CACNA2D3: variants seen among roughly 807,000 people sequenced by gnomAD.
CACNA2D3 encodes the protein voltage-dependent calcium channel subunit alpha-2/delta-3.
Under a neutral mutation model 160.6 loss-of-function variants are expected in CACNA2D3, and 60 were observed. The observed-to-expected ratio is 0.37, with a 90% confidence interval of 0.30 to 0.46. The LOEUF is 0.46. Ranked by LOEUF, CACNA2D3 falls within the 20% of genes least tolerant of loss-of-function variation. The probability of loss-of-function intolerance (pLI) is 1.00; values close to 1 mark genes in which losing one functional copy is unlikely to be tolerated. For synonymous variants in CACNA2D3, 558 were observed against 492.9 expected, an observed-to-expected ratio of 1.13 and a Z score of -1.75; for missense variants, 1,205 against 1,365.0, an observed-to-expected ratio of 0.88 and a Z score of 1.85.
intron 3 of CACNA2D3, among the ~76,000 whole-genome samples, chr3:54,371,955 T>C (rs1297212037): frequency 2.0e-5 from 3 of 152,270 alleles, no homozygotes; most frequent in Non-Finnish European, 4.4e-5. Context: ...TATAGAAATG[T>C]TAATATTTGA....
intron 16 of CACNA2D3, among the ~76,000 whole-genome samples, chr3:54,841,960 T>C (rs888245511): frequency 3.9e-5 from 6 of 152,198 alleles, no homozygotes; most frequent in Middle Eastern, 3.2e-3. Flanking sequence ...TGTTCTCCAT[T>C]ACTCCATGGC....
At chr3:54,252,131 C>T (rs1343958858) in intron 2 of CACNA2D3, among the ~76,000 whole-genome samples, 1 of 104,290 alleles carries the variant, frequency 9.6e-6, no homozygotes, top group Admixed American at 1.1e-4. Context: ...TACTCTCCGT[C>T]TCTCCCATTC....
chr3:54,917,572 C>T (rs974302665), intron 27 of CACNA2D3, among the ~76,000 whole-genome samples: 3 of 152,214 alleles, frequency 2.0e-5, no homozygotes, highest in Non-Finnish European at 4.4e-5. Context: ...ACTCTATGCA[C>T]TCTGTGCGCT....
chr3:54,739,261 C>G (rs938710899), intron 11 of CACNA2D3, among the ~76,000 whole-genome samples: 1 of 151,524 alleles, frequency 6.6e-6, no homozygotes. Context: ...CTCTACTAAA[C>G]ATACAAAAAT....
At chr3:54,307,317 A>G (rs1181539753) in intron 2 of CACNA2D3, among the ~76,000 whole-genome samples, 1 of 152,166 alleles carries the variant, frequency 6.6e-6, no homozygotes, top group Non-Finnish European at 1.5e-5. Context: ...GCTCTGATGT[A>G]TAAGAATACC....
At chr3:54,350,966 C>CGGTTTTTTTTTTTTTTT (rs1559457706) in intron 3 of CACNA2D3, among the ~76,000 whole-genome samples, 1 of 63,298 alleles carries the variant, frequency 1.6e-5, no homozygotes, top group Non-Finnish European at 3.6e-5. Context: ...GATCTTGAGT[C>CGGTTTTTTTTTTTTTTT]TGTTTTTTTT....
intron 4 of CACNA2D3, among the ~76,000 whole-genome samples, chr3:54,498,947 T>C (rs1024643453): frequency 6.6e-6 from 1 of 152,106 alleles, no homozygotes; most frequent in Admixed American, 6.6e-5. Context: ...ATATCATACA[T>C]TGATTTCTAA....
intron 5 of CACNA2D3, among the ~76,000 whole-genome samples, chr3:54,540,767 C>A (rs966437754): frequency 6.6e-6 from 1 of 152,078 alleles, no homozygotes; most frequent in South Asian, 2.1e-4. Flanking sequence ...TTAATTACCA[C>A]CCAAAGACCC....
At chr3:54,888,093 C>T (rs1699968311) in intron 24 of CACNA2D3, 41 bp downstream of exon 24, 3 of 1,370,014 alleles carry the variant, frequency 2.2e-6, no homozygotes, top group Non-Finnish European at 3.1e-6. Flanking sequence ...GCCATTTCCT[C>T]ACCAACACTC....
chr3:54,270,695 G>C (rs921948732), intron 2 of CACNA2D3, among the ~76,000 whole-genome samples: 2 of 152,206 alleles, frequency 1.3e-5, no homozygotes, highest in African/African-American at 2.4e-5. Flanking sequence ...TTATCTGGAG[G>C]CTCTGGGAAG....
At chr3:54,783,683 T>A (rs545163167) in intron 13 of CACNA2D3, among the ~76,000 whole-genome samples, 1 of 152,284 alleles carries the variant, frequency 6.6e-6, no homozygotes, top group South Asian at 2.1e-4. Context: ...TCCTGAATTA[T>A]GTTTCCCATA....
chr3:54,297,711 CCA>C (rs1703373170), intron 2 of CACNA2D3, among the ~76,000 whole-genome samples: 1 of 121,294 alleles, frequency 8.2e-6, no homozygotes. Context: ...CTCCCCGCCA[CCA>C]AAAAAAAAAA....
chr3:54,699,419 A>G (rs1018541306), intron 11 of CACNA2D3, among the ~76,000 whole-genome samples: 7 of 152,064 alleles, frequency 4.6e-5, no homozygotes, highest in Admixed American at 2.0e-4. Flanking sequence ...AAGTCTTTCC[A>G]TCCTTTGGGA....
intron 34 of CACNA2D3, among the ~76,000 whole-genome samples, chr3:55,013,365 C>CAGCCCTCTG (rs111478067): frequency 1.2e-4 from 19 of 152,210 alleles, no homozygotes; most frequent in African/African-American, 4.3e-4. Context: ...TTCCAGCTGA[C>CAGCCCTCTG]AGCCCTCTGC....
intron 11 of CACNA2D3, among the ~76,000 whole-genome samples, chr3:54,671,338 C>T (rs563768896): frequency 2.6e-4 from 40 of 152,072 alleles, no homozygotes; most frequent in Admixed American, 1.6e-3. Flanking sequence ...GCTTCAGAGA[C>T]ACCTGGGCTG....
At chr3:54,181,858 A>G (rs4928007) in intron 2 of CACNA2D3, among the ~76,000 whole-genome samples, 122,114 of 152,072 alleles carry the variant, frequency 0.8, 49,352 homozygotes, top group East Asian at 1. Context: ...TGATTATAAG[A>G]GAGAAATGAA....
chr3:54,968,678 A>G (rs1702207660), intron 28 of CACNA2D3, among the ~76,000 whole-genome samples, 167 bp downstream of exon 28: 2 of 152,226 alleles, frequency 1.3e-5, no homozygotes, highest in Admixed American at 6.5e-5. Context: ...AAGGGCTGTC[A>G]GCATGTTAGA....
chr3:54,282,379 G>A (rs999182509), intron 2 of CACNA2D3, among the ~76,000 whole-genome samples: 7 of 152,192 alleles, frequency 4.6e-5, no homozygotes, highest in Admixed American at 2.0e-4. Flanking sequence ...ATGCTAAGAG[G>A]CCCTTGGATA....
intron 18 of CACNA2D3, among the ~76,000 whole-genome samples, chr3:54,872,753 A>G (rs1699566203): frequency 6.6e-6 from 1 of 152,200 alleles, no homozygotes; most frequent in Non-Finnish European, 1.5e-5. Context: ...CTCTAAGTCT[A>G]CTTAAACCCA....
Sources: gnomAD v4.1 joint callset for allele counts (sites outside exome capture counted in the v4.1 genomes callset) on GRCh38, gnomAD v4.1.1 for gene constraint, MANE v1.5 for transcripts, NCBI Gene and HGNC (gene_info 2026-07-23, HGNC 2026-07-21) for gene names.